The following AKR1B15 variants were observed in gnomAD, a reference collection of about 807,000 sequenced individuals.
AKR1B15 encodes the protein estradiol 17-beta-dehydrogenase AKR1B15.
AKR1B15 carries 49 observed loss-of-function variants against 38.5 expected under a neutral mutation model. The observed-to-expected ratio is 1.27, with a 90% confidence interval of 1.01 to 1.62. The LOEUF is 1.62. Among genes scored for constraint, AKR1B15 ranks in the 40% most tolerant of loss-of-function variants. The probability of loss-of-function intolerance (pLI) is 0.00; values close to 1 mark genes in which losing one functional copy is unlikely to be tolerated. For synonymous variants in AKR1B15, 137 were observed against 135.5 expected (o/e 1.01, Z -0.08); for missense variants, 411 against 381.6 (o/e 1.08, Z -0.64).
At chr7:134,557,787 G>A (rs1440476984) in intron 2 of AKR1B15, among the ~76,000 whole-genome samples, 3 of 151,960 alleles carry the variant, frequency 2.0e-5, no homozygotes, top group East Asian at 1.9e-4. Flanking sequence ...CCCCTTCTTC[G>A]GGGCTGAGAG....
intron 3 of AKR1B15, chr7:134,565,465 C>A (rs762438119): frequency 1.2e-6 from 2 of 1,613,004 alleles, no homozygotes. Flanking sequence ...CACTCAGAAT[C>A]ATTTCCGCAC....
Position 134,577,744 on chromosome 7 carries a change from T to C in AKR1B15, c.950T>C (p.Ile317Thr). The C allele has an allele frequency of 6.2e-7, 1 of 1,614,020 alleles. No homozygotes were observed. The highest frequency in any genetic ancestry group is 8.5e-7 in the Non-Finnish European group (1 of 1,179,968). The change falls in exon 11 of 12, where the codon ATA becomes ACA. Residue 317 changes from isoleucine (I) to threonine (T), a missense_variant. Ile to Thr is a moderately conservative substitution (Grantham distance 89, BLOSUM62 -1). This residue lies in a region of AKR1B15 where 133 missense variants were observed against 120.3 expected (regional missense o/e 1.11). Transcript: ENST00000457545. ...TTGAGTGATGAGGAGATGGCAACCATACTCAGCTTCAACAGAAACTGGAGG... is the reference window on the plus strand; with the variant it reads ...TTGAGTGATGAGGAGATGGCAACCACACTCAGCTTCAACAGAAACTGGAGG... Reference protein sequence around the residue: ...FKLSDEEMATILSFNRNWRAF... With the variant: ...FKLSDEEMATTLSFNRNWRAF...
intron 1 of AKR1B15, among the ~76,000 whole-genome samples, chr7:134,555,502 G>T (rs57581030): frequency 6.6e-6 from 1 of 152,004 alleles, no homozygotes; most frequent in Non-Finnish European, 1.5e-5. Context: ...TAAAGCTATC[G>T]AATTAATTCT....
At chr7:134,550,348 C>T (rs368149970) in intron 1 of AKR1B15, among the ~76,000 whole-genome samples, 27 of 152,144 alleles carry the variant, frequency 1.8e-4, no homozygotes, top group East Asian at 1.2e-3. Flanking sequence ...GCAAGTCCAG[C>T]GTCTCTAAGA....
Position 134,568,202 on chromosome 7 carries a change from T to G in AKR1B15, c.195T>G (p.Asp65Glu), listed in dbSNP as rs1414026955. ...AAGAAGCGGTGAAGGTGGCCATTGA[T>G]GCAGAATATCGCCACATTGACTGTG... is the stretch of plus-strand genomic sequence containing the variant. ...KVKEAVKVAI[D>E]AEYRHIDCAY... The change falls in exon 4 of 12, where the codon GAT (aspartate) becomes GAG (glutamate). Residue 65 changes from aspartate to glutamate, a missense_variant. Transcript: ENST00000457545. The G allele has an allele frequency of 6.2e-7, 1 of 1,614,028 alleles. No individual in the cohort carries two copies. Among genetic ancestry groups the G allele is most frequent in the Non-Finnish European group, 8.5e-7 (1 of 1,180,004 alleles).
At position 134,575,616 on chromosome 7, in the gene AKR1B15, G is replaced by T. The variant is rs1794752458; in HGVS notation, c.636+74G>T. On this transcript the variant is annotated intron_variant, in intron 7 of 11. Coordinates refer to ENST00000457545, the MANE Select transcript of AKR1B15 (RefSeq NM_001080538.3). The stretch of plus-strand genomic sequence containing the variant: ...AAACATTGCGGGGGGAATGTTCAAT[G>T]CTATGCCCTGAGTCTTATCTCAGGG... 6 of 1,597,390 alleles carry T rather than the reference G, an allele frequency of 3.8e-6. No homozygotes were observed. The East Asian group carries it at 1.3e-4, about 36-fold the overall frequency.
At chr7:134,574,706 G>T (rs757661180) in intron 6 of AKR1B15, among the ~76,000 whole-genome samples, 2 of 152,278 alleles carry the variant, frequency 1.3e-5, no homozygotes, top group Admixed American at 6.5e-5. Flanking sequence ...ATATCTTTGG[G>T]CAAGTTTGGA....
At chr7:134,575,107 A>G (rs1794735495) in intron 6 of AKR1B15, among the ~76,000 whole-genome samples, 1 of 152,202 alleles carries the variant, frequency 6.6e-6, no homozygotes, top group South Asian at 2.1e-4. Flanking sequence ...TTTTTTCATG[A>G]TAAAACTTTC....
chr7:134,553,530 C>T (rs985553398), intron 1 of AKR1B15, among the ~76,000 whole-genome samples: 1 of 152,216 alleles, frequency 6.6e-6, no homozygotes, highest in Non-Finnish European at 1.5e-5. Context: ...AACAGCAAGC[C>T]AGGTCCAGGA....
chr7:134,549,447 A>G (rs1793889780), intron 1 of AKR1B15, among the ~76,000 whole-genome samples, 198 bp downstream of exon 1: 1 of 152,026 alleles, frequency 6.6e-6, no homozygotes, highest in Non-Finnish European at 1.5e-5. Flanking sequence ...CTGTTTTAGA[A>G]TGGGTATAAA....
At chr7:134,566,382 G>A (rs1229817748) in intron 3 of AKR1B15, among the ~76,000 whole-genome samples, 3 of 152,156 alleles carry the variant, frequency 2.0e-5, no homozygotes, top group African/African-American at 4.8e-5. Context: ...AGTTCCCTAG[G>A]TGGTTCCTGT....
intron 3 of AKR1B15, 160 bp downstream of exon 3, chr7:134,564,929 GCT>G (rs1009386554): frequency 4.2e-6 from 2 of 476,644 alleles, no homozygotes; most frequent in Non-Finnish European, 7.4e-6. Flanking sequence ...ACCAATCAGT[GCT>G]CTGTGTCTAG....
intron 11 of AKR1B15, among the ~76,000 whole-genome samples, chr7:134,578,084 T>C (rs758555209): frequency 6.6e-6 from 1 of 152,204 alleles, no homozygotes; most frequent in Non-Finnish European, 1.5e-5. Flanking sequence ...CTAGTGGTCA[T>C]CTGTGTGCCA....
chr7:134,557,875 T>C (rs1209512015), intron 2 of AKR1B15, among the ~76,000 whole-genome samples: 1 of 152,208 alleles, frequency 6.6e-6, no homozygotes, highest in Non-Finnish European at 1.5e-5. Context: ...GCATTCTCTC[T>C]ATAACTCAGT....
Position 134,579,765 on chromosome 7 carries a change from G to T in AKR1B15, c.*216G>T. On this transcript the variant is annotated 3_prime_UTR_variant, in exon 12 of 12. Transcript: ENST00000457545. ...AAAAGCATGGCCTGAATAAGCAAAT[G>T]ACAATTTTTTCCACTTATCTGATCT... The T allele has an allele frequency of 2.0e-6, 1 of 496,576 alleles. No individual in the cohort carries two copies. Among genetic ancestry groups the T allele is most frequent in the Non-Finnish European group, 3.5e-6 (1 of 285,980 alleles). 30.8% of individuals were successfully genotyped at this position (496,576 alleles called of 1,614,324 possible).
chr7:134,567,567 G>T (rs1794567633), intron 3 of AKR1B15, among the ~76,000 whole-genome samples: 1 of 151,606 alleles, frequency 6.6e-6, no homozygotes, highest in African/African-American at 2.4e-5. Context: ...TTTCCATTTT[G>T]CCGACAAGGT....
intron 1 of AKR1B15, among the ~76,000 whole-genome samples, chr7:134,552,596 T>C (rs1408745219): frequency 6.6e-6 from 1 of 152,144 alleles, no homozygotes. Context: ...CCGGAACAAA[T>C]GATTACCAGC....
At chr7:134,561,759 A>T (rs28729518) in intron 2 of AKR1B15, among the ~76,000 whole-genome samples, 1 of 151,572 alleles carries the variant, frequency 6.6e-6, no homozygotes, top group Non-Finnish European at 1.5e-5. Context: ...CTGTCATGGC[A>T]TGTCACAGCA....
In AKR1B15 at chr7:134,571,494, A is replaced by T. The variant is rs1329961185; in HGVS notation, c.436-110A>T. On this transcript the variant is annotated intron_variant, in intron 5 of 11. Coordinates refer to ENST00000457545, the MANE Select transcript of AKR1B15 (RefSeq NM_001080538.3). Reference sequence around the variant, plus strand: ...TAGTATGTACTCCAGAGCTTGAAAAAGTGGTATGCAGATGTGGTATTTAGC... The same window carrying T: ...TAGTATGTACTCCAGAGCTTGAAAATGTGGTATGCAGATGTGGTATTTAGC... 8 of 793,600 alleles carry T rather than the reference A, an allele frequency of 1.0e-5. No individual in the cohort carries two copies. The South Asian group carries it at 1.0e-4, about 10-fold the overall frequency. 49.2% of individuals were successfully genotyped at this position (793,600 alleles called of 1,614,324 possible). A position where few individuals can be genotyped will look rare whatever the true frequency, so the allele number is the denominator to read the frequency against.
Sources: gnomAD v4.1 joint callset for allele counts (sites outside exome capture counted in the v4.1 genomes callset) on GRCh38, gnomAD v4.1.1 for gene constraint, gnomAD v4.1.1 regional missense constraint, MANE v1.5 for transcripts, NCBI Gene and HGNC (gene_info 2026-07-23, HGNC 2026-07-21) for gene names.